The following PALM2AKAP2 variants were observed in gnomAD, a reference collection of about 807,000 sequenced individuals.
PALM2AKAP2 encodes PALM2-AKAP2 fusion protein.
Under a neutral mutation model 71.5 loss-of-function variants are expected in PALM2AKAP2, and 37 were observed. The ratio of observed to expected loss-of-function variants is 0.52; its 90% confidence interval spans 0.40 to 0.68. The LOEUF (loss-of-function observed/expected upper bound fraction) is 0.68, where lower values mean the gene tolerates loss of function less well. Among genes scored for constraint, PALM2AKAP2 ranks in the 30% least tolerant of loss-of-function variants. PALM2AKAP2 has a pLI of 0.00. For synonymous variants in PALM2AKAP2, 468 were observed against 478.8 expected (o/e 0.98, Z 0.29); for missense variants, 1,224 against 1,191.8 (o/e 1.03, Z -0.40).
At chr9:109,879,442 G>A (rs1829795781) in intron 2 of PALM2AKAP2, among the ~76,000 whole-genome samples, 1 of 152,214 alleles carries the variant, frequency 6.6e-6, no homozygotes, top group Non-Finnish European at 1.5e-5. Flanking sequence ...CTGGTCCTTA[G>A]CCATGATGTA....
At chr9:109,952,181 C>T (rs1030737243) in intron 6 of PALM2AKAP2, among the ~76,000 whole-genome samples, 6 of 152,212 alleles carry the variant, frequency 3.9e-5, no homozygotes, top group African/African-American at 1.4e-4. Flanking sequence ...TGAGTATGGC[C>T]ATGTTCTAAT....
At chr9:109,931,836 T>G (rs1453442875) in intron 5 of PALM2AKAP2, 91 bp from the exon 6 acceptor site, 1 of 1,424,284 alleles carries the variant, frequency 7.0e-7, no homozygotes, top group Admixed American at 1.7e-5. Flanking sequence ...AGCGGTCCAT[T>G]ATGTAGGGCA....
chr9:109,692,182 A>C (rs961290487), intron 1 of PALM2AKAP2, among the ~76,000 whole-genome samples: 4 of 151,388 alleles, frequency 2.6e-5, no homozygotes, highest in Admixed American at 6.6e-5. Flanking sequence ...TTGTGCAAAA[A>C]TCACCATTTC....
chr9:109,890,818 G>A (rs2131810715), intron 3 of PALM2AKAP2, among the ~76,000 whole-genome samples: 1 of 152,312 alleles, frequency 6.6e-6, no homozygotes, highest in South Asian at 2.1e-4. Context: ...CGCAGAGTGA[G>A]GAGATACCAG....
At chr9:110,105,335 AGTT>A (rs2118900779) in intron 1 of PALM2AKAP2, among the ~76,000 whole-genome samples, 1 of 152,260 alleles carries the variant, frequency 6.6e-6, no homozygotes, top group South Asian at 2.1e-4. Flanking sequence ...GGTAACATAG[AGTT>A]GTTTATATTA....
At chr9:109,710,581 C>T (rs1324171145) in intron 1 of PALM2AKAP2, among the ~76,000 whole-genome samples, 1 of 152,126 alleles carries the variant, frequency 6.6e-6, no homozygotes, top group African/African-American at 2.4e-5. Context: ...AGGGAAGTAG[C>T]ACTTGTTGAT....
intron 1 of PALM2AKAP2, among the ~76,000 whole-genome samples, chr9:110,130,768 C>G (rs1273341669): frequency 6.6e-6 from 1 of 152,182 alleles, no homozygotes; most frequent in East Asian, 1.9e-4. Context: ...TTTCAAACCT[C>G]AAACACCATC....
Position 110,135,164 on chromosome 9 carries a change from A to AAAAAAAAAAAT in PALM2AKAP2, c.157-962_157-961insAAAAAAAAATA. On this transcript the variant is annotated intron_variant, in intron 1 of 3. Coordinates refer to ENST00000374525, the Ensembl canonical transcript of PALM2AKAP2. ...AACTCTGTCTCTACAAAAAAAAAAA[A>AAAAAAAAAAAT]ATATATAAATATATATATATATATA... Among the ~76,000 whole-genome samples, 28 of 51,720 alleles carry AAAAAAAAAAAT rather than the reference A, an allele frequency of 5.4e-4. 2 individuals are homozygous for AAAAAAAAAAAT. The highest frequency in any genetic ancestry group is 1.5e-3 in the African/African-American group (20 of 13,620). 33.9% of individuals were successfully genotyped at this position (51,720 alleles called of 152,430 possible). A position where few individuals can be genotyped will look rare whatever the true frequency, so the allele number is the denominator to read the frequency against.
chr9:109,780,233 G>A, upstream of PALM2AKAP2: 1 of 1,066,284 alleles, frequency 9.4e-7, no homozygotes, highest in Non-Finnish European at 1.1e-6. Flanking sequence ...CGGCGGCGGC[G>A]GCGACCGGGA....
At chr9:109,713,352 G>A (rs748998646) in intron 1 of PALM2AKAP2, among the ~76,000 whole-genome samples, 2 of 152,156 alleles carry the variant, frequency 1.3e-5, no homozygotes, top group Non-Finnish European at 2.9e-5. Context: ...GTCTCCTAAA[G>A]TGTGGGCATC....
At chr9:110,097,428 T>C (rs6477739) in intron 1 of PALM2AKAP2, among the ~76,000 whole-genome samples, 83,457 of 139,428 alleles carry the variant, frequency 0.6, 24,046 homozygotes, top group African/African-American at 0.73. Context: ...TCCACAAAAC[T>C]GCCATTGTCA....
intron 1 of PALM2AKAP2, among the ~76,000 whole-genome samples, chr9:109,804,437 A>G (rs1213050208): frequency 2.0e-5 from 3 of 152,216 alleles, no homozygotes; most frequent in Admixed American, 1.3e-4. Flanking sequence ...TATTATTTCT[A>G]TGGCAAATAA....
intron 3 of PALM2AKAP2, among the ~76,000 whole-genome samples, chr9:109,906,129 G>A (rs1830440752): frequency 6.6e-6 from 1 of 152,130 alleles, no homozygotes; most frequent in Admixed American, 6.5e-5. Flanking sequence ...GGAAAATCCA[G>A]GGCTCCCACC....
intron 1 of PALM2AKAP2, among the ~76,000 whole-genome samples, chr9:109,842,261 T>C (rs1297281661): frequency 6.6e-6 from 1 of 152,212 alleles, no homozygotes; most frequent in Non-Finnish European, 1.5e-5. Context: ...AGCATTTTTA[T>C]TTTTTACTCA....
At chr9:109,810,484 G>A (rs1313838209) in intron 1 of PALM2AKAP2, among the ~76,000 whole-genome samples, 5 of 152,186 alleles carry the variant, frequency 3.3e-5, no homozygotes, top group Non-Finnish European at 7.3e-5. Flanking sequence ...TGAGGCCAGA[G>A]GATTGTCCAC....
upstream of PALM2AKAP2, chr9:109,780,439 G>A: frequency 2.5e-6 from 4 of 1,612,372 alleles, no homozygotes; most frequent in Non-Finnish European, 3.4e-6. Context: ...GGTGACTACA[G>A]CGTGTGTTTT....
At chr9:109,802,578 T>C (rs1054372150) in intron 1 of PALM2AKAP2, among the ~76,000 whole-genome samples, 6 of 152,218 alleles carry the variant, frequency 3.9e-5, no homozygotes, top group African/African-American at 1.4e-4. Context: ...TCCATGTGGT[T>C]TCTACTATTT....
At position 109,838,036 on chromosome 9, in the gene PALM2AKAP2, C is replaced by T. The variant is rs144254867; in HGVS notation, c.46-29455C>T. Among the ~76,000 whole-genome samples the T allele has an allele frequency of 8.6e-3, 1,285 of 149,190 alleles. 21 individuals carry two copies. Among genetic ancestry groups the T allele is most frequent in the African/African-American group, 0.03 (1,225 of 40,200 alleles). ...CTCTGCACCAAGCGGACCTAATAGA[C>T]ATCTACAGAACTCTCCACCCCAAAT... On this transcript the variant is annotated intron_variant, in intron 1 of 9. Transcript: ENST00000302798.
At chr9:109,850,436 C>G (rs2131621644) in intron 1 of PALM2AKAP2, among the ~76,000 whole-genome samples, 1 of 152,116 alleles carries the variant, frequency 6.6e-6, no homozygotes, top group East Asian at 1.9e-4. Flanking sequence ...AGATCCAACC[C>G]CCAACTTCGT....
Sources: gnomAD v4.1 joint callset for allele counts (sites outside exome capture counted in the v4.1 genomes callset) on GRCh38, gnomAD v4.1.1 for gene constraint, MANE v1.5 for transcripts, NCBI Gene and HGNC (gene_info 2026-07-23, HGNC 2026-07-21) for gene names.